The following CYP1B1 variants were observed in gnomAD, a reference collection of about 807,000 sequenced individuals.
The protein encoded by CYP1B1 is cytochrome P450 family 1 subfamily B member 1, also known as cytochrome P450 1B1.
In CYP1B1, 22 loss-of-function variants were observed where a neutral mutation model predicts 29.9. That is an observed-to-expected ratio of 0.74 (90% CI 0.53 to 1.05). CYP1B1 has a LOEUF of 1.05. Among genes scored for constraint, CYP1B1 ranks in the 50% least tolerant of loss-of-function variants. The pLI is 0.00. For synonymous variants in CYP1B1, 375 were observed against 320.0 expected (o/e 1.17, Z -1.83); for missense variants, 883 against 746.9 (o/e 1.18, Z -2.12).
Position 38,075,032 on chromosome 2 carries a change from G to A in CYP1B1, c.357C>T (p.Ala119=), listed in dbSNP as rs1356193943. 3 of 1,590,586 alleles carry A rather than the reference G, an allele frequency of 1.9e-6. No individual in the cohort carries two copies. The highest frequency in any genetic ancestry group is 2.7e-5 in the African/African-American group (2 of 74,794). Residue 119 remains alanine (A), a synonymous_variant, in exon 2 of 3, where the codon GCC becomes GCT. Coordinates refer to ENST00000610745, the MANE Select transcript of CYP1B1 (RefSeq NM_000104.4). ...CGGACACCACACGGAAGGAGGCGAA[G>A]GCCGGCCGGTCGGCGAAGGCCGAGC... ...QQGSAFADRP[A]FASFRVVSGG... is the part of the protein sequence containing the mutation.
At position 38,071,083 on chromosome 2, in the gene CYP1B1, T is replaced by C. The variant is rs367941075; in HGVS notation, c.1271A>G (p.Gln424Arg). 3.1e-6 allele frequency: 5 copies of C among 1,612,710 alleles called. No individual in the cohort carries two copies. The African/African-American group carries it at 4.0e-5, about 13-fold the overall frequency. The change falls in exon 3 of 3, where the codon CAG (glutamine) becomes CGG (arginine). Residue 424 changes from glutamine (Q) to arginine (R), a missense_variant. Gln to Arg is a conservative substitution (Grantham distance 43). Transcript: ENST00000610745. Reference protein sequence around the residue: ...IPKDTVVFVNQWSVNHDPLKW... With the variant: ...IPKDTVVFVNRWSVNHDPLKW... ...CAGTGGGTCATGATTCACAGACCAC[T>C]GGTTGACAAAAACCACAGTGTCCTT... is the stretch of plus-strand genomic sequence containing the variant.
intron 2 of CYP1B1, among the ~76,000 whole-genome samples, chr2:38,071,849 C>T (rs1234175141): frequency 6.6e-6 from 1 of 152,124 alleles, no homozygotes; most frequent in Non-Finnish European, 1.5e-5. Flanking sequence ...GGCAAAAGCA[C>T]CCAGGGCCCA....
chr2:38,068,908 A>G lies in CYP1B1; in HGVS notation c.*1814T>C. The G allele has an allele frequency of 4.5e-6, 1 of 221,950 alleles. No homozygotes were observed. Among genetic ancestry groups the G allele is most frequent in the Non-Finnish European group, 9.0e-6 (1 of 110,860 alleles). The allele number at this position is 221,950 out of a possible 1,614,324, so 13.7% of individuals were successfully genotyped here. On this transcript the variant is annotated 3_prime_UTR_variant, in exon 3 of 3. Transcript: ENST00000610745. ...TTTCAGTGTTTCTCTCTTTTCTCTTACCATCCCCCCACCCCACACACACAT... is the reference window on the plus strand; with the variant it reads ...TTTCAGTGTTTCTCTCTTTTCTCTTGCCATCCCCCCACCCCACACACACAT...
rs1383096318 is a variant in CYP1B1 at position 38,068,083 on chromosome 2, C to A, written c.*2639G>T. The A allele has an allele frequency of 4.9e-6, 1 of 202,942 alleles. No individual in the cohort carries two copies. The highest frequency in any genetic ancestry group is 1.0e-5 in the Non-Finnish European group (1 of 98,574). 12.6% of individuals were successfully genotyped at this position (202,942 alleles called of 1,614,324 possible). ...AAGCAATTTGCTTATAGAGTCAAAG[C>A]TTTGACATACAAATGAAGCATTTAA... On this transcript the variant is annotated 3_prime_UTR_variant, in exon 3 of 3. Coordinates refer to ENST00000610745, the MANE Select transcript of CYP1B1 (RefSeq NM_000104.4).
At chr2:38,074,078 C>T in intron 2 of CYP1B1, 2 of 571,348 alleles carry the variant, frequency 3.5e-6, no homozygotes. Context: ...GGGGTCTTTG[C>T]AAATGTGTTC....
rs148542782 is a variant in CYP1B1, at chr2:38,071,186, G to A, written c.1168C>T (p.Arg390Cys). The part of the protein sequence containing the change: ...YVLAFLYEAM[R>C]FSSFVPVTIP... ...GTGACAGGCACAAAGCTGGAGAAGCGCATGGCTTCATAAAGGAAGGCCAGG... is the reference window on the plus strand; with the variant it reads ...GTGACAGGCACAAAGCTGGAGAAGCACATGGCTTCATAAAGGAAGGCCAGG... Residue 390 changes from arginine (R) to cysteine (C), a missense_variant, in exon 3 of 3, where the codon CGC becomes TGC. Physicochemically the swap from Arg to Cys is radical, Grantham distance 180. Transcript: ENST00000610745. The A allele has an allele frequency of 4.0e-5, 64 of 1,613,650 alleles. No individual in the cohort carries two copies. The highest frequency in any genetic ancestry group is 4.5e-5 in the Non-Finnish European group (53 of 1,180,036).
At chr2:38,072,896 A>C (rs1682457415) in intron 2 of CYP1B1, among the ~76,000 whole-genome samples, 1 of 105,884 alleles carries the variant, frequency 9.4e-6, no homozygotes, top group Admixed American at 8.7e-5. Context: ...TTCACTAAAA[A>C]GGAAAAAAAA....
intron 2 of CYP1B1, chr2:38,074,027 T>A (rs34443711): frequency 1.1e-4 from 54 of 485,220 alleles, no homozygotes; most frequent in African/African-American, 1.0e-3. Context: ...TCAGGGCTCA[T>A]CTCCAAGCAT....
chr2:38,071,139 G>T lies in CYP1B1; in HGVS notation c.1215C>A (p.Ala405=). Reference sequence around the variant, plus strand: ...TGTGGTAGCCCAAGACAGAGGTGTTGGCAGTGGTGGCATGAGGAATAGTGA... The same window carrying T: ...TGTGGTAGCCCAAGACAGAGGTGTTTGCAGTGGTGGCATGAGGAATAGTGA... ...VPVTIPHATT[A]NTSVLGYHIP... The change falls in exon 3 of 3, where the codon GCC becomes GCA. Residue 405 remains alanine (A), a synonymous_variant. Coordinates refer to ENST00000610745, the MANE Select transcript of CYP1B1 (RefSeq NM_000104.4). 6.2e-7 allele frequency: 1 copy of T among 1,613,912 alleles called. No individual in the cohort carries two copies. The highest frequency in any genetic ancestry group is 1.3e-5 in the African/African-American group (1 of 75,030).
chr2:38,074,255 G>A (rs1186529200), intron 2 of CYP1B1, 91 bp downstream of exon 2: 10 of 1,415,172 alleles, frequency 7.1e-6, no homozygotes, highest in African/African-American at 1.4e-5. Context: ...CCCCAAACCC[G>A]GGGCCCTGCT....
At position 38,071,224 on chromosome 2, in the gene CYP1B1, T is replaced by C. The variant is rs1227129956; in HGVS notation, c.1130A>G (p.Asn377Ser). The change falls in exon 3 of 3, where the codon AAC becomes AGC. Residue 377 changes from asparagine to serine, a missense_variant. Coordinates refer to ENST00000610745, the MANE Select transcript of CYP1B1 (RefSeq NM_000104.4). ...DRLPCMGDQP[N>S]LPYVLAFLYE... is the part of the protein sequence containing the mutation. Reference sequence around the variant, plus strand: ...AAGGAAGGCCAGGACATAGGGCAGGTTGGGCTGGTCACCCATACAAGGCAG... The same window carrying C: ...AAGGAAGGCCAGGACATAGGGCAGGCTGGGCTGGTCACCCATACAAGGCAG... The C allele has an allele frequency of 1.9e-6, 3 of 1,613,228 alleles. No individual in the cohort carries two copies. Among genetic ancestry groups the C allele is most frequent in the Admixed American group, 3.3e-5 (2 of 60,012 alleles).
In CYP1B1 at chr2:38,074,360, G is replaced by C. The variant is rs747529058; in HGVS notation, c.1029C>G (p.Leu343=). The change falls in exon 2 of 3, where the codon CTC becomes CTG. Residue 343 remains leucine (L), a synonymous_variant. Transcript: ENST00000610745. ...AGAGGCTTTACCTGGTGAAGAGGAG[G>C]AGCAGCCACTGCAGCGCGGTGGACA... ...DTLSTALQWL[L]LLFTRYPDVQ... is the part of the protein sequence containing the mutation. The C allele has an allele frequency of 3.7e-6, 6 of 1,613,280 alleles. No homozygotes were observed. The highest frequency in any genetic ancestry group is 5.1e-6 in the Non-Finnish European group (6 of 1,179,986).
chr2:38,068,513 T>C lies in CYP1B1; in HGVS notation c.*2209A>G, dbSNP rs949462503. Reference sequence around the variant, plus strand: ...CATTTCTCAATCTAAAAAAATAGGCTACAGCAGCCCAAATTCACTGTCTCA... The same window carrying C: ...CATTTCTCAATCTAAAAAAATAGGCCACAGCAGCCCAAATTCACTGTCTCA... On this transcript the variant is annotated 3_prime_UTR_variant, in exon 3 of 3. Transcript: ENST00000610745. 6 of 225,572 alleles carry C rather than the reference T, an allele frequency of 2.7e-5. No individual in the cohort carries two copies. The highest frequency in any genetic ancestry group is 6.7e-5 in the African/African-American group (3 of 44,860). The allele number at this position is 225,572 out of a possible 1,614,324, so 14.0% of individuals were successfully genotyped here.
At position 38,074,870 on chromosome 2, in the gene CYP1B1, C is replaced by T; in HGVS notation, c.519G>A (p.Glu173=). 5.8e-6 allele frequency: 9 copies of T among 1,554,892 alleles called. No homozygotes were observed. Among genetic ancestry groups the T allele is most frequent in the Non-Finnish European group, 7.8e-6 (9 of 1,151,682 alleles). Residue 173 remains glutamate, a synonymous_variant, in exon 2 of 3, where the codon GAG becomes GAA. Transcript: ENST00000610745. Reference sequence around the variant, plus strand: ...CCAGCAGCGCCACCAGCTCGCGCGCCTCGCTCAGCACGTGGCCCTCGAGGA... The same window carrying T: ...CCAGCAGCGCCACCAGCTCGCGCGCTTCGCTCAGCACGTGGCCCTCGAGGA... ...RQVLEGHVLS[E]ARELVALLVR...
In CYP1B1 at chr2:38,074,571, A is replaced by C. The variant is rs1357141706; in HGVS notation, c.818T>G (p.Leu273Arg). 10 of 1,611,150 alleles carry C rather than the reference A, an allele frequency of 6.2e-6. No individual in the cohort carries two copies. The change falls in exon 2 of 3, where the codon CTG becomes CGG. Residue 273 changes from leucine to arginine, a missense_variant. Physicochemically the swap from Leu to Arg is moderately radical, Grantham distance 102. Transcript: ENST00000610745. ...QLNRNFSNFI[L>R]DKFLRHCESL... is the part of the protein sequence containing the mutation. Reference sequence around the variant, plus strand: ...TTCGCAGTGCCTCAAGAACTTGTCCAGGATGAAGTTGCTGAAGTTGCGGTT... The same window carrying C: ...TTCGCAGTGCCTCAAGAACTTGTCCCGGATGAAGTTGCTGAAGTTGCGGTT...
rs1317025198 is a variant in CYP1B1 at position 38,075,137 on chromosome 2, A to C, written c.252T>G (p.Val84=). ...GGCAGCTGCCCAGGCGGATCTGGAA[A>C]ACGTCGCCGTAGCGCCGCGCCAGGC... ...FARLARRYGD[V]FQIRLGSCPI... is the part of the protein sequence containing the mutation. The change falls in exon 2 of 3, where the codon GTT becomes GTG. Residue 84 remains valine, a synonymous_variant. Transcript: ENST00000610745. 1 of 1,577,146 alleles carries C rather than the reference A, an allele frequency of 6.3e-7. No homozygotes were observed. Among genetic ancestry groups the C allele is most frequent in the Admixed American group, 1.8e-5 (1 of 56,762 alleles).
Position 38,069,782 on chromosome 2 carries a change from A to AG in CYP1B1, c.*939dup. ...ATATTATTCAACCTTTTCCTGAACAAGATAATACTAATATACTGCTTACGG... is the reference window on the plus strand; with the variant it reads ...ATATTATTCAACCTTTTCCTGAACAAGGATAATACTAATATACTGCTTACGG... On this transcript the variant is annotated 3_prime_UTR_variant, in exon 3 of 3. Coordinates refer to ENST00000610745, the MANE Select transcript of CYP1B1 (RefSeq NM_000104.4). 1 of 196,904 alleles carries AG rather than the reference A, an allele frequency of 5.1e-6. No homozygotes were observed. The highest frequency in any genetic ancestry group is 1.1e-5 in the Non-Finnish European group (1 of 94,916). The allele number at this position is 196,904 out of a possible 1,614,324, so 12.2% of individuals were successfully genotyped here.
chr2:38,073,020 A>G (rs1682459743), intron 2 of CYP1B1, among the ~76,000 whole-genome samples: 1 of 151,968 alleles, frequency 6.6e-6, no homozygotes, highest in South Asian at 2.1e-4. Context: ...AGGCCGTTTC[A>G]AAAGTTAAAA....
chr2:38,074,338 G>A lies in CYP1B1; in HGVS notation c.1043+8C>T. On this transcript the variant is annotated splice_region_variant and intron_variant, in intron 2 of 2. Transcript: ENST00000610745. ...AAAGACCTGGCCCACGCCTCCCAGA[G>A]GCTTTACCTGGTGAAGAGGAGGAGC... 6.2e-7 allele frequency: 1 copy of A among 1,612,910 alleles called. No individual in the cohort carries two copies. Among genetic ancestry groups the A allele is most frequent in the Non-Finnish European group, 8.5e-7 (1 of 1,179,864 alleles).
Sources: gnomAD v4.1 joint callset for allele counts (sites outside exome capture counted in the v4.1 genomes callset) on GRCh38, gnomAD v4.1.1 for gene constraint, MANE v1.5 for transcripts, NCBI Gene and HGNC (gene_info 2026-07-23, HGNC 2026-07-21) for gene names.